The following CLCN1 variants were observed in gnomAD, a reference collection of about 807,000 sequenced individuals.
The protein encoded by CLCN1 is chloride voltage-gated channel 1, also known as chloride channel protein 1.
A neutral mutation model predicts 114.5 loss-of-function variants in CLCN1; 100 were observed. That is an observed-to-expected ratio of 0.87 (90% confidence interval 0.74 to 1.03). The LOEUF (loss-of-function observed/expected upper bound fraction) is 1.03. CLCN1 is among the 50% of genes least tolerant of loss of function. The probability of loss-of-function intolerance (pLI) is 0.00; values close to 1 mark genes in which losing one functional copy is unlikely to be tolerated. For synonymous variants in CLCN1, 485 were observed against 487.1 expected (o/e 1.00, Z 0.06); for missense variants, 1,188 against 1,250.0 (o/e 0.95, Z 0.75).
rs776429032 is a variant in CLCN1 at position 143,345,722 on chromosome 7, T to TGGATGA, written c.2142_2147dup (p.Glu717_Asp718dup). ...GGCCGGCCCGAGTCCTTCGCCTTTG[T>TGGATGA]GGATGAGGATGAGGACGAAGACCTC... is the stretch of plus-strand genomic sequence containing the variant. On this transcript the variant is annotated inframe_insertion, in exon 17 of 23. Coordinates refer to ENST00000343257, the MANE Select transcript of CLCN1 (RefSeq NM_000083.3). 2 of 1,583,770 alleles carry TGGATGA rather than the reference T, an allele frequency of 1.3e-6. No individual in the cohort carries two copies. The highest frequency in any genetic ancestry group is 1.8e-5 in the Admixed American group (1 of 55,092).
At chr7:143,323,496 A>G in intron 6 of CLCN1, 110 bp downstream of exon 6, 2 of 814,876 alleles carry the variant, frequency 2.5e-6, no homozygotes, top group South Asian at 2.7e-5. Flanking sequence ...GTGGTGCTGA[A>G]GCAGCATCGC....
At position 143,339,673 on chromosome 7, in the gene CLCN1, C is replaced by T; in HGVS notation, c.1582+52C>T. 9.0e-7 allele frequency: 1 copy of T among 1,111,616 alleles called. No individual in the cohort carries two copies. Among genetic ancestry groups the T allele is most frequent in the Non-Finnish European group, 1.4e-6 (1 of 722,238 alleles). 68.9% of individuals were successfully genotyped at this position (1,111,616 alleles called of 1,614,324 possible). On this transcript the variant is annotated intron_variant, in intron 14 of 22. Transcript: ENST00000343257. This position sits in a 1 kb window ranked among gnomAD's most constrained non-coding sequence, Gnocchi z 4.1. Reference sequence around the variant, plus strand: ...ATCAAACATTGAGTACTTCAGATCCCCACACTTAAACTCTCCCATTGGATC... The same window carrying T: ...ATCAAACATTGAGTACTTCAGATCCTCACACTTAAACTCTCCCATTGGATC...
chr7:143,350,483 CT>C lies in CLCN1; in HGVS notation c.2508+11del. The C allele has an allele frequency of 6.2e-7, 1 of 1,612,518 alleles. No individual in the cohort carries two copies. ...GCAGACAACCCTGCACAAGGTGAGTCTTTTGCTGACTGCTCAGGGCTGTGGG... is the reference window on the plus strand; with the variant it reads ...GCAGACAACCCTGCACAAGGTGAGTCTTTGCTGACTGCTCAGGGCTGTGGG... On this transcript the variant is annotated splice_region_variant and intron_variant, in intron 21 of 22. Transcript: ENST00000343257. The surrounding 1 kb of genome is among the most constrained non-coding windows in gnomAD (Gnocchi z 5.1).
At chr7:143,320,518 G>A in intron 2 of CLCN1, 146 bp from the exon 3 acceptor site, 1 of 786,054 alleles carries the variant, frequency 1.3e-6, no homozygotes, top group South Asian at 1.7e-5. Flanking sequence ...CTTGGGTATA[G>A]CACCCAAAGT....
chr7:143,320,924 T>G, intron 3 of CLCN1, 129 bp downstream of exon 3: 17 of 1,110,180 alleles, frequency 1.5e-5, no homozygotes, highest in Non-Finnish European at 2.0e-5. Context: ...CAGAGAGGGA[T>G]CAGGTGGGAC....
At chr7:143,349,192 C>T (rs1277896090) in intron 20 of CLCN1, among the ~76,000 whole-genome samples, 4 of 152,138 alleles carry the variant, frequency 2.6e-5, no homozygotes, top group Non-Finnish European at 5.9e-5. Context: ...AAGGTCTAGC[C>T]CCCGTCCTAT....
chr7:143,349,211 C>T (rs770145560), intron 20 of CLCN1, among the ~76,000 whole-genome samples: 45 of 152,224 alleles, frequency 3.0e-4, no homozygotes, highest in Middle Eastern at 3.2e-3. Flanking sequence ...ATACCTAAAT[C>T]TTCTCTACAA....
intron 8 of CLCN1, 145 bp downstream of exon 8, chr7:143,331,042 C>T: frequency 7.8e-7 from 1 of 1,286,250 alleles, no homozygotes; most frequent in South Asian, 1.2e-5. Context: ...GGGTGTATGA[C>T]AAAGATATAG....
intron 2 of CLCN1, among the ~76,000 whole-genome samples, chr7:143,320,376 A>G (rs1436095423): frequency 6.6e-6 from 1 of 152,138 alleles, no homozygotes; most frequent in Non-Finnish European, 1.5e-5. Context: ...TTTAGGAAGG[A>G]ATTCAAGTAT....
At chr7:143,320,182 T>C (rs1802387384) in intron 2 of CLCN1, among the ~76,000 whole-genome samples, 1 of 152,180 alleles carries the variant, frequency 6.6e-6, no homozygotes, top group African/African-American at 2.4e-5. Context: ...GTAAGGATGC[T>C]GAGGCTGGTC....
intron 16 of CLCN1, 110 bp from the exon 17 acceptor site, chr7:143,345,410 TG>T: frequency 1.5e-6 from 2 of 1,329,918 alleles, no homozygotes; most frequent in Non-Finnish European, 2.0e-6. Context: ...GAGAAAGATG[TG>T]GGGACGCCGG....
At chr7:143,319,715 C>A in intron 1 of CLCN1, 40 bp from the exon 2 acceptor site, 1 of 1,610,500 alleles carries the variant, frequency 6.2e-7, no homozygotes, top group South Asian at 1.1e-5. Flanking sequence ...TTTTTTTAGT[C>A]TTCCACAAGG....
chr7:143,326,581 C>A (rs1291424664), intron 7 of CLCN1, among the ~76,000 whole-genome samples: 1 of 152,124 alleles, frequency 6.6e-6, no homozygotes, highest in African/African-American at 2.4e-5. Context: ...TGCTAACCTG[C>A]CTACAAGAGC....
rs56344035 is a variant in CLCN1 at position 143,333,300 on chromosome 7, C to CA, written c.1401+444dup. Among the ~76,000 whole-genome samples, 626 of 139,070 alleles carry CA rather than the reference C, an allele frequency of 4.5e-3. 3 individuals carry two copies. Among genetic ancestry groups the CA allele is most frequent in the South Asian group, 7.0e-3 (29 of 4,132 alleles). 91.2% of individuals were successfully genotyped at this position (139,070 alleles called of 152,430 possible). A position where few individuals can be genotyped will look rare whatever the true frequency, so the allele number is the denominator to read the frequency against. On this transcript the variant is annotated intron_variant, in intron 12 of 22. Transcript: ENST00000343257. The stretch of plus-strand genomic sequence containing the variant: ...TGGGTGACAGAGTGTGATTCTGTCT[C>CA]AAAAAAAAAAAAAAAAATTATAGAG...
intron 1 of CLCN1, 34 bp downstream of exon 1, chr7:143,316,426 A>G (rs1226569625): frequency 6.3e-7 from 1 of 1,587,196 alleles, no homozygotes; most frequent in East Asian, 2.2e-5. Context: ...GGAGCCATGG[A>G]TGAGGGGAGA....
chr7:143,341,587 T>C (rs941985441), intron 14 of CLCN1, among the ~76,000 whole-genome samples: 2 of 149,540 alleles, frequency 1.3e-5, no homozygotes, highest in Admixed American at 1.3e-4. Context: ...ATAATAATAA[T>C]AATAATAATT....
At chr7:143,338,267 C>T (rs1802966983) in intron 12 of CLCN1, among the ~76,000 whole-genome samples, 1 of 152,130 alleles carries the variant, frequency 6.6e-6, no homozygotes. Context: ...CATTGGCTGA[C>T]TTATCAGGCT....
intron 1 of CLCN1, among the ~76,000 whole-genome samples, chr7:143,316,706 C>T (rs1214139333): frequency 3.3e-5 from 5 of 152,152 alleles, no homozygotes; most frequent in Non-Finnish European, 7.3e-5. Flanking sequence ...GAGTGGATTG[C>T]GTAGGAGCCC....
intron 18 of CLCN1, 49 bp from the exon 19 acceptor site, chr7:143,346,530 G>A (rs200244887): frequency 1.7e-5 from 25 of 1,466,078 alleles, no homozygotes; most frequent in East Asian, 1.4e-4. Context: ...GCCCCTGGCC[G>A]TTTCCTGTTG....
Sources: gnomAD v4.1 joint callset for allele counts (sites outside exome capture counted in the v4.1 genomes callset) on GRCh38, gnomAD v4.1.1 for gene constraint, Gnocchi (gnomAD v3.1) non-coding constraint, MANE v1.5 for transcripts, NCBI Gene and HGNC (gene_info 2026-07-23, HGNC 2026-07-21) for gene names.